Variants in NR5A2 observed in about 807,000 individuals in gnomAD.
The protein encoded by NR5A2 is CYP7A promoter-binding factor.
A neutral mutation model predicts 62.7 loss-of-function variants in NR5A2; 26 were observed. That is an observed-to-expected ratio of 0.41 (90% CI 0.30 to 0.58). The LOEUF (loss-of-function observed/expected upper bound fraction) is 0.58. Ranked by LOEUF, NR5A2 falls within the 20% of genes least tolerant of loss-of-function variation. The pLI is 0.22. For missense variants in NR5A2, 541 were observed against 669.1 expected, an observed-to-expected ratio of 0.81 and a Z score of 2.11; for synonymous variants, 246 against 241.7, an observed-to-expected ratio of 1.02 and a Z score of -0.16.
chr1:200,035,814 G>A (rs747963227), intron 1 of NR5A2, among the ~76,000 whole-genome samples: 42 of 152,208 alleles, frequency 2.8e-4, no homozygotes, highest in Non-Finnish European at 5.0e-4. Context: ...CGGAAAGAAG[G>A]AGGTGGAGGG....
chr1:200,146,503 C>G (rs1667700528), intron 7 of NR5A2, among the ~76,000 whole-genome samples: 1 of 152,158 alleles, frequency 6.6e-6, no homozygotes, highest in Non-Finnish European at 1.5e-5. Context: ...ACCTGGAATT[C>G]TTTATCTCTG....
At chr1:200,110,237 TGTATA>T (rs1221128114) in intron 5 of NR5A2, among the ~76,000 whole-genome samples, 7 of 152,222 alleles carry the variant, frequency 4.6e-5, no homozygotes, top group African/African-American at 1.7e-4. Flanking sequence ...TTTTCAATAA[TGTATA>T]GTGTATGTCT....
At chr1:200,164,219 G>T (rs1159179165) in intron 7 of NR5A2, among the ~76,000 whole-genome samples, 1 of 152,138 alleles carries the variant, frequency 6.6e-6, no homozygotes, top group Non-Finnish European at 1.5e-5. Context: ...AAGCCTGCAG[G>T]TTCATGAGCC....
intron 6 of NR5A2, among the ~76,000 whole-genome samples, chr1:200,114,809 G>A (rs949305508): frequency 6.6e-6 from 1 of 152,194 alleles, no homozygotes; most frequent in African/African-American, 2.4e-5. Context: ...GACCCATCTA[G>A]TAAGTGGCAG....
At chr1:200,148,112 C>T (rs1393309979) in intron 7 of NR5A2, 8 of 310,658 alleles carry the variant, frequency 2.6e-5, no homozygotes, top group Non-Finnish European at 4.6e-5. Context: ...ACTGCTGCAC[C>T]TTCTCAAAGT....
chr1:200,135,483 T>C (rs1396787910), intron 7 of NR5A2, among the ~76,000 whole-genome samples: 2 of 150,364 alleles, frequency 1.3e-5, no homozygotes, highest in Non-Finnish European at 3.0e-5. Context: ...ATTGCGCCCC[T>C]GCTCTCCAGC....
At chr1:200,034,588 G>T (rs1231204133) in intron 1 of NR5A2, among the ~76,000 whole-genome samples, 1 of 130,330 alleles carries the variant, frequency 7.7e-6, no homozygotes, top group Non-Finnish European at 1.6e-5. Context: ...GCAAGGGTGG[G>T]AGGTTGCCCG....
At chr1:200,143,403 C>T (rs770506847) in intron 7 of NR5A2, among the ~76,000 whole-genome samples, 3 of 151,974 alleles carry the variant, frequency 2.0e-5, no homozygotes, top group African/African-American at 7.2e-5. Context: ...ATAGCTTGGG[C>T]AGTAAATTAG....
chr1:200,031,890 C>A (rs1661564058), intron 1 of NR5A2, among the ~76,000 whole-genome samples: 1 of 152,142 alleles, frequency 6.6e-6, no homozygotes. Context: ...TCTTTAACAC[C>A]TCTTCTAACA....
chr1:200,034,694 C>T (rs1344817407), intron 1 of NR5A2, among the ~76,000 whole-genome samples: 1 of 149,640 alleles, frequency 6.7e-6, no homozygotes, highest in East Asian at 2.0e-4. Context: ...GATCGAGATA[C>T]TCTCATAGTG....
In NR5A2 at chr1:200,044,706, G is replaced by T. The variant is rs561722481; in HGVS notation, c.322-737G>T. 6.1e-4 allele frequency among the ~76,000 whole-genome samples: 92 copies of T among 152,034 alleles called. 1 individual carries two copies. Among genetic ancestry groups the T allele is most frequent in the African/African-American group, 2.1e-3 (86 of 41,490 alleles). ...CAAAGTAAGAATGTTTCTCTTTGTG[G>T]CAAGTGGGTTAAATATGAATACTAT... is the stretch of plus-strand genomic sequence containing the variant. On this transcript the variant is annotated intron_variant, in intron 3 of 7. Coordinates refer to ENST00000367362, the MANE Select transcript of NR5A2 (RefSeq NM_205860.3).
chr1:200,065,835 C>T (rs551822180), intron 5 of NR5A2, among the ~76,000 whole-genome samples: 1 of 152,218 alleles, frequency 6.6e-6, no homozygotes, highest in East Asian at 1.9e-4. Flanking sequence ...AATCTGGACA[C>T]ACAGCACTAC....
intron 7 of NR5A2, among the ~76,000 whole-genome samples, chr1:200,130,516 C>T (rs1666928887): frequency 6.6e-6 from 1 of 152,174 alleles, no homozygotes; most frequent in Non-Finnish European, 1.5e-5. Context: ...TTGACTACCT[C>T]ATCACTGGAA....
At chr1:200,078,496 A>C (rs1363455520) in intron 5 of NR5A2, among the ~76,000 whole-genome samples, 3 of 152,250 alleles carry the variant, frequency 2.0e-5, no homozygotes, top group African/African-American at 7.2e-5. Flanking sequence ...CCAACAGAGA[A>C]TACTTGAATG....
At position 200,174,318 on chromosome 1, in the gene NR5A2, G is replaced by T. The variant is rs868753440; in HGVS notation, c.*108G>T. On this transcript the variant is annotated 3_prime_UTR_variant, in exon 8 of 8. Transcript: ENST00000367362. ...AGTACTCTGAACTGCTCCAAGTAACGCTAATTAAAAACTTGCTTTAAAGAT... is the reference window on the plus strand; with the variant it reads ...AGTACTCTGAACTGCTCCAAGTAACTCTAATTAAAAACTTGCTTTAAAGAT... 5.2e-5 allele frequency: 59 copies of T among 1,138,612 alleles called. No individual in the cohort carries two copies. The African/African-American group carries it at 6.8e-4, about 13-fold the overall frequency. The allele number at this position is 1,138,612 out of a possible 1,614,324, so 70.5% of individuals were successfully genotyped here.
At chr1:200,138,188 TC>T (rs1309096197) in intron 7 of NR5A2, among the ~76,000 whole-genome samples, 1 of 152,206 alleles carries the variant, frequency 6.6e-6, no homozygotes, top group Non-Finnish European at 1.5e-5. Flanking sequence ...CTCCATGTCT[TC>T]CTGTAATATA....
chr1:200,099,619 A>C (rs1665270866), intron 5 of NR5A2, among the ~76,000 whole-genome samples: 2 of 151,940 alleles, frequency 1.3e-5, no homozygotes, highest in South Asian at 4.2e-4. Context: ...TTTGAGATGG[A>C]ATCTTGCTCT....
At chr1:200,133,218 T>G (rs1452872395) in intron 7 of NR5A2, among the ~76,000 whole-genome samples, 1 of 152,150 alleles carries the variant, frequency 6.6e-6, no homozygotes, top group Non-Finnish European at 1.5e-5. Context: ...GGAATGTACA[T>G]TGCCTTTTGC....
At chr1:200,069,204 G>GA (rs1403174011) in intron 5 of NR5A2, among the ~76,000 whole-genome samples, 4 of 149,466 alleles carry the variant, frequency 2.7e-5, no homozygotes, top group Non-Finnish European at 6.0e-5. Flanking sequence ...AATTTAAATG[G>GA]AAAATGCTGT....
Sources: gnomAD v4.1 joint callset for allele counts (sites outside exome capture counted in the v4.1 genomes callset) on GRCh38, gnomAD v4.1.1 for gene constraint, MANE v1.5 for transcripts, NCBI Gene and HGNC (gene_info 2026-07-23, HGNC 2026-07-21) for gene names.